The following ZMAT4 variants were observed in gnomAD, a reference collection of about 807,000 sequenced individuals.
ZMAT4 encodes zinc finger matrin-type protein 4.
A neutral mutation model predicts 28.7 loss-of-function variants in ZMAT4; 17 were observed. That is an observed-to-expected ratio of 0.59 (90% CI 0.41 to 0.89). The LOEUF is 0.89. ZMAT4 is among the 40% of genes least tolerant of loss of function. The pLI, the probability that ZMAT4 is intolerant of heterozygous loss-of-function variation, is 0.00. For synonymous variants in ZMAT4, 117 were observed against 109.2 expected (o/e 1.07, Z -0.44); for missense variants, 240 against 283.8 (o/e 0.85, Z 1.11).
At chr8:40,841,112 C>T (rs913527093) in intron 1 of ZMAT4, among the ~76,000 whole-genome samples, 2 of 152,160 alleles carry the variant, frequency 1.3e-5, no homozygotes, top group African/African-American at 4.8e-5. Flanking sequence ...ATAGGAACAA[C>T]GGTCCTTGGC....
chr8:40,699,596 GCA>G (rs10681965), intron 3 of ZMAT4, among the ~76,000 whole-genome samples: 22,820 of 149,664 alleles, frequency 0.15, 2,372 homozygotes, highest in East Asian at 0.36. Context: ...AAATGTAAAT[GCA>G]CACACACACA....
chr8:40,536,845 G>C (rs1037504698), intron 6 of ZMAT4, among the ~76,000 whole-genome samples: 5 of 151,992 alleles, frequency 3.3e-5, no homozygotes, highest in African/African-American at 1.2e-4. Flanking sequence ...TTAAGACAAG[G>C]GGCACAAGGT....
chr8:40,890,294 C>T (rs970823787), intron 1 of ZMAT4, among the ~76,000 whole-genome samples: 48 of 151,836 alleles, frequency 3.2e-4, no homozygotes, highest in African/African-American at 1.2e-3. Flanking sequence ...AGTGTGGATC[C>T]TTCTCCTATA....
intron 6 of ZMAT4, among the ~76,000 whole-genome samples, chr8:40,572,374 G>GC (rs1229496612): frequency 1.3e-5 from 2 of 152,038 alleles, no homozygotes; most frequent in African/African-American, 4.8e-5. Context: ...ACGTGTTAAG[G>GC]CCTCTTCTCA....
chr8:40,847,004 C>T (rs575689242), intron 1 of ZMAT4, among the ~76,000 whole-genome samples: 7 of 152,110 alleles, frequency 4.6e-5, no homozygotes, highest in African/African-American at 1.7e-4. Flanking sequence ...GTCAGGAGTT[C>T]GAGACCAGCC....
intron 1 of ZMAT4, among the ~76,000 whole-genome samples, chr8:40,883,785 T>C (rs1237284715): frequency 1.3e-5 from 2 of 152,286 alleles, no homozygotes; most frequent in South Asian, 4.1e-4. Context: ...GGGTTATTAC[T>C]CACTCTGGGC....
chr8:40,575,429 C>T (rs1222630556), intron 6 of ZMAT4, among the ~76,000 whole-genome samples: 1 of 152,074 alleles, frequency 6.6e-6, no homozygotes, highest in East Asian at 1.9e-4. Context: ...AGCTGACCCA[C>T]CAAGTGTATG....
At chr8:40,883,148 C>T (rs1481412998) in intron 1 of ZMAT4, among the ~76,000 whole-genome samples, 1 of 152,196 alleles carries the variant, frequency 6.6e-6, no homozygotes, top group African/African-American at 2.4e-5. Context: ...CTGAGGCTCC[C>T]TGAGCAAATG....
chr8:40,821,972 AG>A (rs1383941586), intron 2 of ZMAT4, among the ~76,000 whole-genome samples: 1 of 152,216 alleles, frequency 6.6e-6, no homozygotes, highest in Non-Finnish European at 1.5e-5. Context: ...TTCTCCAACA[AG>A]TCTTTCTTGG....
intron 6 of ZMAT4, among the ~76,000 whole-genome samples, chr8:40,574,818 T>C (rs1804208922): frequency 6.6e-6 from 1 of 152,168 alleles, no homozygotes; most frequent in Non-Finnish European, 1.5e-5. Flanking sequence ...CTGTAGTTCT[T>C]ACTACAGGGG....
chr8:40,896,538 G>T (rs1242431677), intron 1 of ZMAT4, among the ~76,000 whole-genome samples: 2 of 152,174 alleles, frequency 1.3e-5, no homozygotes, highest in South Asian at 2.1e-4. Flanking sequence ...CAAGCACATC[G>T]CCTGCTTCCC....
chr8:40,760,190 C>A (rs1220510416), intron 3 of ZMAT4, among the ~76,000 whole-genome samples: 1 of 152,168 alleles, frequency 6.6e-6, no homozygotes, highest in Non-Finnish European at 1.5e-5. Context: ...TCACTCACAG[C>A]ACCTACTCCC....
chr8:40,861,150 G>A (rs1159160439), intron 1 of ZMAT4, among the ~76,000 whole-genome samples: 6 of 152,176 alleles, frequency 3.9e-5, no homozygotes, highest in African/African-American at 1.2e-4. Flanking sequence ...TAGGGCCAGG[G>A]GGGACCCTGT....
chr8:40,578,386 A>T (rs903137258), intron 6 of ZMAT4, among the ~76,000 whole-genome samples: 1 of 152,186 alleles, frequency 6.6e-6, no homozygotes, highest in Non-Finnish European at 1.5e-5. Context: ...CTATATTTGT[A>T]AGGAAAAACA....
chr8:40,850,244 C>G (rs772160914), intron 1 of ZMAT4, among the ~76,000 whole-genome samples: 1 of 152,138 alleles, frequency 6.6e-6, no homozygotes, highest in Non-Finnish European at 1.5e-5. Flanking sequence ...AAAATAAACT[C>G]CAAGGCCCTC....
chr8:40,566,917 T>C (rs1803941731), intron 6 of ZMAT4, among the ~76,000 whole-genome samples: 1 of 152,114 alleles, frequency 6.6e-6, no homozygotes, highest in Non-Finnish European at 1.5e-5. Flanking sequence ...ACTTTATCCA[T>C]GTCCCAGGAA....
At chr8:40,861,062 T>A (rs1039347938) in intron 1 of ZMAT4, among the ~76,000 whole-genome samples, 7 of 152,246 alleles carry the variant, frequency 4.6e-5, no homozygotes, top group African/African-American at 1.7e-4. Flanking sequence ...ACAGTCCCTG[T>A]TCTTTCTCTT....
chr8:40,782,029 A>C (rs1484526725), intron 2 of ZMAT4, among the ~76,000 whole-genome samples: 2 of 152,168 alleles, frequency 1.3e-5, no homozygotes, highest in Admixed American at 6.5e-5. Flanking sequence ...ATGGCTTCTT[A>C]GATGTGACAC....
At chr8:40,865,601 T>C (rs1817648737) in intron 1 of ZMAT4, among the ~76,000 whole-genome samples, 1 of 152,194 alleles carries the variant, frequency 6.6e-6, no homozygotes, top group Non-Finnish European at 1.5e-5. Flanking sequence ...GGGATTGAAA[T>C]ACACGGTCTG....
Sources: allele counts gnomAD v4.1 joint callset (sites outside exome capture counted in the v4.1 genomes callset), GRCh38; gene constraint gnomAD v4.1.1; transcripts MANE v1.5; gene names NCBI Gene and HGNC (gene_info 2026-07-23, HGNC 2026-07-21).